ARHGAP19: variants seen among roughly 807,000 people sequenced by gnomAD.
ARHGAP19 encodes Rho GTPase activating protein 19, also known as rho GTPase-activating protein 19.
A neutral mutation model predicts 60.9 loss-of-function variants in ARHGAP19; 48 were observed. The observed-to-expected ratio is 0.79, with a 90% confidence interval of 0.62 to 1.00. The LOEUF (loss-of-function observed/expected upper bound fraction) is 1.00, where lower values mean the gene tolerates loss of function less well. Ranked by LOEUF, ARHGAP19 falls within the 50% of genes least tolerant of loss-of-function variation. ARHGAP19 has a pLI of 0.00. For synonymous variants in ARHGAP19, 209 were observed against 215.5 expected (o/e 0.97, Z 0.27); for missense variants, 562 against 597.2 (o/e 0.94, Z 0.61).
intron 7 of ARHGAP19, 63 bp downstream of exon 7, chr10:97,246,209 T>C: frequency 7.4e-7 from 1 of 1,350,846 alleles, no homozygotes. Context: ...CATACTTTGT[T>C]TTAAGACTCC....
Position 97,239,526 on chromosome 10 carries a change from A to C in ARHGAP19, c.1186-4211T>G, listed in dbSNP as rs1842435887. Among the ~76,000 whole-genome samples the C allele has an allele frequency of 1.4e-5, 2 of 147,002 alleles. 1 individual carries two copies. Among genetic ancestry groups the C allele is most frequent in the Non-Finnish European group, 3.0e-5 (2 of 67,256 alleles). ...CAAAAAAAAAAAGAAAAATAAGAAA[A>C]AGGGAGTGAGAGAGAGAGAGAGAGG... is the stretch of plus-strand genomic sequence containing the variant. On this transcript the variant is annotated intron_variant, in intron 8 of 11. Coordinates refer to ENST00000358531, the MANE Select transcript of ARHGAP19 (RefSeq NM_032900.6).
intron 4 of ARHGAP19, among the ~76,000 whole-genome samples, chr10:97,260,205 C>T (rs1326621732): frequency 1.3e-5 from 2 of 151,178 alleles, no homozygotes; most frequent in Non-Finnish European, 2.9e-5. Flanking sequence ...GCCAAGAAGG[C>T]TTTGTATGCT....
intron 1 of ARHGAP19, among the ~76,000 whole-genome samples, chr10:97,286,132 C>T (rs1187970467): frequency 6.6e-6 from 1 of 152,160 alleles, no homozygotes; most frequent in Non-Finnish European, 1.5e-5. Context: ...CATTACCCTT[C>T]AGATAGAATT....
intron 3 of ARHGAP19, 71 bp downstream of exon 3, chr10:97,264,755 G>A (rs1206048920): frequency 1.7e-6 from 2 of 1,157,908 alleles, no homozygotes; most frequent in African/African-American, 3.1e-5. Context: ...ACTAACTCAA[G>A]GCAGTTAGCT....
intron 8 of ARHGAP19, among the ~76,000 whole-genome samples, chr10:97,242,321 GTTCT>G (rs1842498200): frequency 1.2e-5 from 1 of 80,028 alleles, no homozygotes; most frequent in African/African-American, 5.0e-5. Flanking sequence ...AAGTATCAGT[GTTCT>G]TTTTTTTTTT....
intron 6 of ARHGAP19, among the ~76,000 whole-genome samples, chr10:97,252,697 T>C (rs1842702581): frequency 6.6e-6 from 1 of 152,058 alleles, no homozygotes; most frequent in Non-Finnish European, 1.5e-5. Flanking sequence ...TCTTATACAC[T>C]GTTGGTGGGA....
At chr10:97,255,500 C>T (rs1842741051) in intron 6 of ARHGAP19, among the ~76,000 whole-genome samples, 1 of 151,980 alleles carries the variant, frequency 6.6e-6, no homozygotes, top group South Asian at 2.1e-4. Flanking sequence ...TCACTTGATC[C>T]CAGAAGGTTG....
At chr10:97,272,226 C>T (rs1233180118) in intron 1 of ARHGAP19, among the ~76,000 whole-genome samples, 1 of 145,526 alleles carries the variant, frequency 6.9e-6, no homozygotes, top group Non-Finnish European at 1.5e-5. Context: ...ACTTCCACCT[C>T]CCAGGTTCAA....
intron 1 of ARHGAP19, among the ~76,000 whole-genome samples, chr10:97,283,462 G>A (rs1370693667): frequency 2.6e-5 from 4 of 151,888 alleles, no homozygotes; most frequent in African/African-American, 7.3e-5. Context: ...GCCGAGGCAG[G>A]AGAACTGCTT....
intron 1 of ARHGAP19, among the ~76,000 whole-genome samples, chr10:97,282,035 A>G (rs955982853): frequency 2.0e-5 from 3 of 152,076 alleles, no homozygotes; most frequent in African/African-American, 7.2e-5. Flanking sequence ...CCCAATACGT[A>G]TTTTCCCCTT....
At chr10:97,280,537 GCTC>G (rs1843070393) in intron 1 of ARHGAP19, among the ~76,000 whole-genome samples, 1 of 151,380 alleles carries the variant, frequency 6.6e-6, no homozygotes, top group Admixed American at 6.6e-5. Context: ...AAAAATATTT[GCTC>G]CTCAAAAAAT....
At chr10:97,282,839 C>CTTTTTTTTTTT (rs56387291) in intron 1 of ARHGAP19, among the ~76,000 whole-genome samples, 1 of 90,994 alleles carries the variant, frequency 1.1e-5, no homozygotes, top group African/African-American at 3.7e-5. Flanking sequence ...TTTCTTTTTT[C>CTTTTTTTTTTT]TTTTTTTTTT....
chr10:97,254,593 CA>C (rs1842729531), intron 6 of ARHGAP19, among the ~76,000 whole-genome samples: 1 of 152,122 alleles, frequency 6.6e-6, no homozygotes, highest in Admixed American at 6.6e-5. Flanking sequence ...TAGAAGAAAA[CA>C]TAAGGCAAAA....
At chr10:97,265,605 C>T in intron 2 of ARHGAP19, 1 of 450,784 alleles carries the variant, frequency 2.2e-6, no homozygotes, top group African/African-American at 2.0e-5. Context: ...ATCAAGATGC[C>T]CCGATGACTA....
intron 1 of ARHGAP19, among the ~76,000 whole-genome samples, chr10:97,291,081 T>G (rs994912419): frequency 3.3e-5 from 5 of 152,042 alleles, no homozygotes; most frequent in Admixed American, 6.6e-5. Flanking sequence ...AAAATGCTAA[T>G]TAGGCAAAAA....
chr10:97,228,069 T>C (rs1850931639), intron 11 of ARHGAP19, among the ~76,000 whole-genome samples: 1 of 152,236 alleles, frequency 6.6e-6, no homozygotes, highest in Non-Finnish European at 1.5e-5. Flanking sequence ...ACCCCCATCT[T>C]GTCTCAATTA....
intron 6 of ARHGAP19, among the ~76,000 whole-genome samples, chr10:97,252,972 T>C (rs1842707632): frequency 6.6e-6 from 1 of 151,936 alleles, no homozygotes; most frequent in Non-Finnish European, 1.5e-5. Flanking sequence ...TATTCCGCCA[T>C]AAAAAAAGAA....
At chr10:97,230,223 A>AT (rs1368039495) in intron 9 of ARHGAP19, among the ~76,000 whole-genome samples, 2 of 152,114 alleles carry the variant, frequency 1.3e-5, no homozygotes, top group African/African-American at 2.4e-5. Flanking sequence ...TCATCATATA[A>AT]TTTTTTTCCC....
At chr10:97,231,725 G>C (rs1344439837) in intron 9 of ARHGAP19, among the ~76,000 whole-genome samples, 2 of 152,182 alleles carry the variant, frequency 1.3e-5, no homozygotes, top group Non-Finnish European at 2.9e-5. Flanking sequence ...CAGTTGGGTT[G>C]CTTCTGCCTT....
Sources: gnomAD v4.1 joint callset for allele counts (sites outside exome capture counted in the v4.1 genomes callset) on GRCh38, gnomAD v4.1.1 for gene constraint, MANE v1.5 for transcripts, NCBI Gene and HGNC (gene_info 2026-07-23, HGNC 2026-07-21) for gene names.